CSNK1D: variants seen among roughly 807,000 people sequenced by gnomAD.
CSNK1D encodes the protein casein kinase I isoform delta.
CSNK1D carries 16 observed loss-of-function variants against 46.6 expected under a neutral mutation model. The ratio of observed to expected loss-of-function variants is 0.34; its 90% CI spans 0.23 to 0.52. The LOEUF (loss-of-function observed/expected upper bound fraction) is 0.52, where lower values mean the gene tolerates loss of function less well. Ranked by LOEUF, CSNK1D falls within the 20% of genes least tolerant of loss-of-function variation. The probability of loss-of-function intolerance (pLI) is 0.95; values close to 1 mark genes in which losing one functional copy is unlikely to be tolerated. For missense variants in CSNK1D, 398 were observed against 578.4 expected (o/e 0.69, Z 3.20); for synonymous variants, 276 against 228.2 (o/e 1.21, Z -1.89).
chr17:82,261,422 G>A (rs915754564), intron 2 of CSNK1D, among the ~76,000 whole-genome samples: 9 of 152,118 alleles, frequency 5.9e-5, no homozygotes, highest in South Asian at 2.1e-4. Context: ...GATAAAAATC[G>A]GGTGGACAAG....
intron 8 of CSNK1D, chr17:82,246,458 GTCA>G: frequency 8.8e-7 from 1 of 1,130,714 alleles, no homozygotes; most frequent in Non-Finnish European, 1.1e-6. Context: ...ATCAAAGCGA[GTCA>G]TCGACTGTTG....
intron 2 of CSNK1D, among the ~76,000 whole-genome samples, chr17:82,258,373 A>G (rs2051239197): frequency 6.6e-6 from 1 of 151,690 alleles, no homozygotes; most frequent in Non-Finnish European, 1.5e-5. Context: ...ATACACATCT[A>G]CTTTCAGATT....
At chr17:82,240,091 CAT>C (rs972973932), downstream of CSNK1D, 3 of 1,232,016 alleles carry the variant, frequency 2.4e-6, no homozygotes, top group Non-Finnish European at 3.0e-6. Flanking sequence ...GAAAAGTGCA[CAT>C]CTCAGGTCCA....
At chr17:82,254,205 C>A (rs1240535816) in intron 3 of CSNK1D, 3 of 290,264 alleles carry the variant, frequency 1.0e-5, no homozygotes, top group Non-Finnish European at 6.3e-6. Context: ...CCTTGTGAAG[C>A]CAGTGAGCTG....
Position 82,244,648 on chromosome 17 carries a change from G to A in CSNK1D, c.*133C>T. ...GTATGTTTCCCCCACGAGCGTCGCTGGGTGAGTGGCCTGGAGAGCTCCCGG... is the reference window on the plus strand; with the variant it reads ...GTATGTTTCCCCCACGAGCGTCGCTAGGTGAGTGGCCTGGAGAGCTCCCGG... On this transcript the variant is annotated 3_prime_UTR_variant, in exon 9 of 9. Coordinates refer to ENST00000314028, the MANE Select transcript of CSNK1D (RefSeq NM_001893.6). 1 of 1,558,206 alleles carries A rather than the reference G, an allele frequency of 6.4e-7. No individual in the cohort carries two copies. Among genetic ancestry groups the A allele is most frequent in the South Asian group, 1.2e-5 (1 of 85,800 alleles).
Position 82,244,446 on chromosome 17 carries a change from T to C in CSNK1D, c.*335A>G. The C allele has an allele frequency of 3.1e-6, 4 of 1,306,606 alleles. No homozygotes were observed. Among genetic ancestry groups the C allele is most frequent in the Non-Finnish European group, 3.9e-6 (4 of 1,019,524 alleles). The allele number at this position is 1,306,606 out of a possible 1,614,324, so 80.9% of individuals were successfully genotyped here. On this transcript the variant is annotated 3_prime_UTR_variant, in exon 9 of 9. Transcript: ENST00000314028. ...CCAAGTAGAAGATTGGTAGTTACAG[T>C]GGAATCGTCAGGGAGTACAGGGCGG...
At position 82,249,231 on chromosome 17, in the gene CSNK1D, G is replaced by T. The variant is rs576177958; in HGVS notation, c.1057+200C>A. ...CTCACAGGGGAGGAACGTGAGATGC[G>T]GGAGGAATCACGCACACCAGCAGGT... is the stretch of plus-strand genomic sequence containing the variant. On this transcript the variant is annotated intron_variant, in intron 7 of 8. Transcript: ENST00000314028. The surrounding 1 kb of genome is among the most constrained non-coding windows in gnomAD (Gnocchi z 6.7). 3.5e-4 allele frequency: 269 copies of T among 761,768 alleles called. 3 individuals are homozygous for T. In the African/African-American group the frequency reaches 4.3e-3, roughly 12 times the overall value. The allele number at this position is 761,768 out of a possible 1,614,324, so 47.2% of individuals were successfully genotyped here. A position where few individuals can be genotyped will look rare whatever the true frequency, so the allele number is the denominator to read the frequency against.
intron 2 of CSNK1D, among the ~76,000 whole-genome samples, chr17:82,258,298 T>C (rs932024410): frequency 4.0e-5 from 6 of 150,112 alleles, no homozygotes; most frequent in Admixed American, 6.7e-5. Flanking sequence ...TATATTTATA[T>C]AAAAAACATA....
Position 82,246,833 on chromosome 17 carries a change from G to A in CSNK1D, c.1198-2002C>T. On this transcript the variant is annotated intron_variant, in intron 8 of 8. Coordinates refer to ENST00000314028, the MANE Select transcript of CSNK1D (RefSeq NM_001893.6). ...GAGCGACGGCCCGAGGAGGAAGACT[G>A]GCCGGGGATGAGTCACTGCCCACGG... 16 of 986,518 alleles carry A rather than the reference G, an allele frequency of 1.6e-5. 1 individual carries two copies. Among genetic ancestry groups the A allele is most frequent in the Non-Finnish European group, 1.9e-5 (16 of 830,700 alleles). 61.1% of individuals were successfully genotyped at this position (986,518 alleles called of 1,614,324 possible). A position where few individuals can be genotyped will look rare whatever the true frequency, so the allele number is the denominator to read the frequency against.
chr17:82,266,979 G>C (rs762509978), intron 1 of CSNK1D: 9 of 147,258 alleles, frequency 6.1e-5, no homozygotes, highest in African/African-American at 7.5e-5. Context: ...AGAATGGCGT[G>C]AACCTGGGAG....
downstream of CSNK1D, among the ~76,000 whole-genome samples, chr17:82,241,650 G>A (rs1432166096): frequency 6.6e-6 from 1 of 152,114 alleles, no homozygotes; most frequent in Non-Finnish European, 1.5e-5. Flanking sequence ...CTCACCCACG[G>A]CCACAGTGAG....
At position 82,249,922 on chromosome 17, in the gene CSNK1D, T is replaced by C. The variant is rs1036412951; in HGVS notation, c.886-320A>G. ...CCTGCTGCTCTGTGAACATGCTCACTAACACGTGCAGAAAGAGGAGAGGGA... is the reference window on the plus strand; with the variant it reads ...CCTGCTGCTCTGTGAACATGCTCACCAACACGTGCAGAAAGAGGAGAGGGA... On this transcript the variant is annotated intron_variant, in intron 6 of 8. Coordinates refer to ENST00000314028, the MANE Select transcript of CSNK1D (RefSeq NM_001893.6). This position sits in a 1 kb window ranked among gnomAD's most constrained non-coding sequence, Gnocchi z 6.7. 17 of 1,315,428 alleles carry C rather than the reference T, an allele frequency of 1.3e-5. No individual in the cohort carries two copies. Among genetic ancestry groups the C allele is most frequent in the Non-Finnish European group, 1.6e-5 (16 of 1,022,664 alleles). The allele number at this position is 1,315,428 out of a possible 1,614,324, so 81.5% of individuals were successfully genotyped here. A position where few individuals can be genotyped will look rare whatever the true frequency, so the allele number is the denominator to read the frequency against.
chr17:82,244,983 C>T, intron 8 of CSNK1D, 152 bp from the exon 9 acceptor site: 2 of 953,952 alleles, frequency 2.1e-6, no homozygotes, highest in Non-Finnish European at 3.2e-6. Flanking sequence ...GCACAGGGGC[C>T]TCTGTGGCTG....
Position 82,250,021 on chromosome 17 carries a change from C to A in CSNK1D, c.886-419G>T. 1 of 1,241,002 alleles carries A rather than the reference C, an allele frequency of 8.1e-7. No individual in the cohort carries two copies. Among genetic ancestry groups the A allele is most frequent in the Admixed American group, 2.7e-5 (1 of 37,722 alleles). 76.9% of individuals were successfully genotyped at this position (1,241,002 alleles called of 1,614,324 possible). A position where few individuals can be genotyped will look rare whatever the true frequency, so the allele number is the denominator to read the frequency against. On this transcript the variant is annotated intron_variant, in intron 6 of 8. Coordinates refer to ENST00000314028, the MANE Select transcript of CSNK1D (RefSeq NM_001893.6). The surrounding 1 kb of genome is among the most constrained non-coding windows in gnomAD (Gnocchi z 4.6). ...GAGGAAAGCGGGGTGGGGATGAGAGCGTTTGGTCGGACGAGGAGTACACTC... is the reference window on the plus strand; with the variant it reads ...GAGGAAAGCGGGGTGGGGATGAGAGAGTTTGGTCGGACGAGGAGTACACTC...
At chr17:82,254,908 G>A (rs183979512) in intron 3 of CSNK1D, among the ~76,000 whole-genome samples, 9,258 of 99,958 alleles carry the variant, frequency 0.093, 1,172 homozygotes, top group East Asian at 0.19. Context: ...GAGCCGCCGG[G>A]GCCTCCAGAA....
intron 2 of CSNK1D, chr17:82,265,385 G>A: frequency 2.5e-6 from 1 of 393,328 alleles, no homozygotes; most frequent in East Asian, 6.0e-5. Context: ...CACTACGTTG[G>A]CCAGGCTAGT....
At chr17:82,247,976 C>T in intron 8 of CSNK1D, 1 of 985,492 alleles carries the variant, frequency 1.0e-6, no homozygotes, top group Non-Finnish European at 1.2e-6. Flanking sequence ...CAGCTACACC[C>T]AGCCCCGCTC....
At chr17:82,246,623 G>A (rs999792459) in intron 8 of CSNK1D, 42 of 1,007,518 alleles carry the variant, frequency 4.2e-5, no homozygotes, top group Non-Finnish European at 4.6e-5. Flanking sequence ...AGACCCAGGC[G>A]GAGTCCGGGC....
At position 82,244,269 on chromosome 17, in the gene CSNK1D, A is replaced by G; in HGVS notation, c.*512T>C. 1 of 1,100,552 alleles carries G rather than the reference A, an allele frequency of 9.1e-7. No individual in the cohort carries two copies. Among genetic ancestry groups the G allele is most frequent in the Non-Finnish European group, 1.1e-6 (1 of 896,742 alleles). 68.2% of individuals were successfully genotyped at this position (1,100,552 alleles called of 1,614,324 possible). A position where few individuals can be genotyped will look rare whatever the true frequency, so the allele number is the denominator to read the frequency against. On this transcript the variant is annotated 3_prime_UTR_variant, in exon 9 of 9. Transcript: ENST00000314028. ...TTCTCCCTGCCCGACTCCACCTCAT[A>G]CACTAACTCCAAGCCAGCCTGTCTC...
Sources: gnomAD v4.1 joint callset for allele counts (sites outside exome capture counted in the v4.1 genomes callset) on GRCh38, gnomAD v4.1.1 for gene constraint, Gnocchi (gnomAD v3.1) non-coding constraint, MANE v1.5 for transcripts, NCBI Gene and HGNC (gene_info 2026-07-23, HGNC 2026-07-21) for gene names.